Variants in CDYL observed in about 807,000 individuals in gnomAD.
CDYL encodes chromodomain Y-like protein.
In CDYL, 8 loss-of-function variants were observed where a neutral mutation model predicts 47.3. The observed-to-expected ratio is 0.17, with a 90% CI of 0.10 to 0.31. The LOEUF (loss-of-function observed/expected upper bound fraction) is 0.31. Ranked by LOEUF, CDYL falls within the 10% of genes least tolerant of loss-of-function variation. The probability of loss-of-function intolerance (pLI) is 1.00; values close to 1 mark genes in which losing one functional copy is unlikely to be tolerated. For missense variants in CDYL, 471 were observed against 701.4 expected, an observed-to-expected ratio of 0.67 and a Z score of 3.71; for synonymous variants, 266 against 265.0, an observed-to-expected ratio of 1.00 and a Z score of -0.04.
At chr6:4,745,066 G>A (rs777844247) in intron 3 of CDYL, among the ~76,000 whole-genome samples, 1 of 152,146 alleles carries the variant, frequency 6.6e-6, no homozygotes, top group Non-Finnish European at 1.5e-5. Flanking sequence ...CTAGGCTCAA[G>A]CAATCCTCCT....
At chr6:4,863,258 C>T (rs541164717) in intron 1 of CDYL, among the ~76,000 whole-genome samples, 1 of 152,144 alleles carries the variant, frequency 6.6e-6, no homozygotes, top group African/African-American at 2.4e-5. Flanking sequence ...GTACCGTGTT[C>T]ACTGTTTGAG....
At chr6:4,878,307 T>C (rs962444121) in intron 1 of CDYL, among the ~76,000 whole-genome samples, 3 of 151,878 alleles carry the variant, frequency 2.0e-5, no homozygotes, top group Non-Finnish European at 2.9e-5. Flanking sequence ...AAAATTGGTA[T>C]TTTTTTTCCT....
intron 2 of CDYL, among the ~76,000 whole-genome samples, chr6:4,926,081 C>T (rs908408780): frequency 5.3e-5 from 8 of 152,114 alleles, no homozygotes; most frequent in South Asian, 2.1e-4. Flanking sequence ...GCCTTTAACT[C>T]GGAGACCCCT....
chr6:4,771,041 T>C (rs1449543004), intron 3 of CDYL, among the ~76,000 whole-genome samples: 2 of 152,234 alleles, frequency 1.3e-5, no homozygotes, highest in Non-Finnish European at 2.9e-5. Context: ...ACAATGGTCA[T>C]TCCTAGTAAA....
chr6:4,907,542 GGATGGGGTTTCACCATCTCTACAAAA>G lies in CDYL; in HGVS notation c.691+15174_691+15199del, dbSNP rs1364497304. Among the ~76,000 whole-genome samples, 12 of 152,006 alleles carry G rather than the reference GGATGGGGTTTCACCATCTCTACAAAA, an allele frequency of 7.9e-5. No individual in the cohort carries two copies. In the East Asian group the frequency reaches 1.2e-3, roughly 15 times the overall value. Reference sequence around the variant, plus strand: ...TCACTAATTTTTGTATTTTTTGTAGGGATGGGGTTTCACCATCTCTACAAAAGATGGGGTTTTGCCCAGGCTAGTCT... The same window carrying G: ...TCACTAATTTTTGTATTTTTTGTAGGGATGGGGTTTTGCCCAGGCTAGTCT... On this transcript the variant is annotated intron_variant, in intron 2 of 6. Coordinates refer to ENST00000397588, the MANE Select transcript of CDYL (RefSeq NM_004824.4).
At chr6:4,842,755 A>C (rs548343325) in intron 1 of CDYL, among the ~76,000 whole-genome samples, 1 of 152,240 alleles carries the variant, frequency 6.6e-6, no homozygotes, top group East Asian at 1.9e-4. Context: ...TTCAGTTACT[A>C]TTGAGATGCT....
intron 1 of CDYL, among the ~76,000 whole-genome samples, chr6:4,889,032 G>A (rs1761969700): frequency 6.6e-6 from 1 of 152,092 alleles, no homozygotes. Context: ...GTGTGTGCTT[G>A]AGAAGAATGT....
chr6:4,934,859 T>C (rs1223533445), intron 2 of CDYL, among the ~76,000 whole-genome samples: 2 of 152,142 alleles, frequency 1.3e-5, no homozygotes. Flanking sequence ...GTTGGCAGGA[T>C]GCTTTATGTG....
chr6:4,847,069 T>C (rs1760681752), intron 1 of CDYL, among the ~76,000 whole-genome samples: 1 of 152,174 alleles, frequency 6.6e-6, no homozygotes, highest in African/African-American at 2.4e-5. Context: ...CCAGTTACAG[T>C]CATGTCTATC....
chr6:4,796,125 G>A (rs1380359390), intron 1 of CDYL, among the ~76,000 whole-genome samples: 1 of 151,958 alleles, frequency 6.6e-6, no homozygotes, highest in Non-Finnish European at 1.5e-5. Flanking sequence ...ATGTAACAGG[G>A]TTTCACCATG....
intron 1 of CDYL, among the ~76,000 whole-genome samples, chr6:4,873,945 G>A (rs1165358203): frequency 5.9e-5 from 9 of 152,200 alleles, no homozygotes; most frequent in South Asian, 2.1e-4. Context: ...ACACATGTGC[G>A]TGTCTTTTGA....
At chr6:4,709,408 A>C (rs1757108157) in intron 1 of CDYL, among the ~76,000 whole-genome samples, 1 of 152,138 alleles carries the variant, frequency 6.6e-6, no homozygotes, top group African/African-American at 2.4e-5. Context: ...ATGTTGGTCA[A>C]GCTGGTCTTG....
chr6:4,710,369 G>A (rs1188655723), intron 1 of CDYL, among the ~76,000 whole-genome samples: 1 of 131,300 alleles, frequency 7.6e-6, no homozygotes, highest in Non-Finnish European at 1.6e-5. Flanking sequence ...GGGAAGGAGG[G>A]AGGGAGGGAG....
At chr6:4,769,965 T>TTG (rs58041362) in intron 3 of CDYL, among the ~76,000 whole-genome samples, 19,824 of 137,664 alleles carry the variant, frequency 0.14, 1,378 homozygotes, top group Non-Finnish European at 0.17. Flanking sequence ...CCCGGCTAAT[T>TTG]TGTGTGTGTG....
At chr6:4,710,379 G>GGAAGGAAGGAAGGAA (rs1757128696) in intron 1 of CDYL, among the ~76,000 whole-genome samples, 10 of 101,274 alleles carry the variant, frequency 9.9e-5, no homozygotes, top group Admixed American at 6.9e-4. Flanking sequence ...GAGGGAGGGA[G>GGAAGGAAGGAAGGAA]GGAAGGAAGG....
intron 3 of CDYL, among the ~76,000 whole-genome samples, chr6:4,746,966 C>G (rs892966630): frequency 6.6e-6 from 1 of 152,168 alleles, no homozygotes; most frequent in African/African-American, 2.4e-5. Flanking sequence ...GTGTCCCTTT[C>G]TCTCAGGGTC....
chr6:4,801,479 T>C (rs775476048), intron 1 of CDYL, among the ~76,000 whole-genome samples: 1 of 152,232 alleles, frequency 6.6e-6, no homozygotes, highest in African/African-American at 2.4e-5. Flanking sequence ...TCTTGTGTTC[T>C]TCTGAGGATT....
At chr6:4,766,627 T>C (rs899969991) in intron 3 of CDYL, among the ~76,000 whole-genome samples, 1 of 152,158 alleles carries the variant, frequency 6.6e-6, no homozygotes, top group African/African-American at 2.4e-5. Flanking sequence ...GAAGAAATAA[T>C]GGCATTCATA....
chr6:4,809,559 A>C (rs553140735), intron 1 of CDYL, among the ~76,000 whole-genome samples: 14 of 151,312 alleles, frequency 9.3e-5, no homozygotes, highest in African/African-American at 2.9e-4. Flanking sequence ...CCTTGGTGAT[A>C]TTTTGTATAG....
Sources: gnomAD v4.1 joint callset for allele counts (sites outside exome capture counted in the v4.1 genomes callset) on GRCh38, gnomAD v4.1.1 for gene constraint, MANE v1.5 for transcripts, NCBI Gene and HGNC (gene_info 2026-07-23, HGNC 2026-07-21) for gene names.